Variants in SPATA13 observed in about 807,000 individuals in gnomAD.
SPATA13 encodes the protein spermatogenesis associated 13.
A neutral mutation model predicts 104.0 loss-of-function variants in SPATA13; 50 were observed. The ratio of observed to expected loss-of-function variants is 0.48; its 90% CI spans 0.38 to 0.61. The LOEUF is 0.61. SPATA13 is among the 20% of genes least tolerant of loss of function. The pLI, the probability that SPATA13 is intolerant of heterozygous loss-of-function variation, is 0.00. For missense variants in SPATA13, 1,524 were observed against 1,690.6 expected (o/e 0.90, Z 1.73); for synonymous variants, 606 against 667.5 (o/e 0.91, Z 1.42).
At chr13:24,170,578 G>A (rs1427234195) in intron 1 of SPATA13, among the ~76,000 whole-genome samples, 1 of 152,186 alleles carries the variant, frequency 6.6e-6, no homozygotes, top group African/African-American at 2.4e-5. Flanking sequence ...CCTCTGCAGA[G>A]TACATCTCTG....
rs557161006 is a variant in SPATA13, at chr13:24,184,482, A to G, written c.-112+23550A>G. ...AAGTGAAGAGAAAAGCGTACAATGG[A>G]GCCAACCAAATCACAAAGATTATCA... On this transcript the variant is annotated intron_variant, in intron 1 of 12. Transcript: ENST00000382108. Among the ~76,000 whole-genome samples, 83 of 152,344 alleles carry G rather than the reference A, an allele frequency of 5.4e-4. No individual in the cohort carries two copies. The East Asian group carries it at 8.5e-3, about 16-fold the overall frequency.
chr13:24,160,825 C>CGAGAGT lies in SPATA13; in HGVS notation c.-217_-212dup, dbSNP rs1882441129. ...GCGCGCACTGGATCCCAGGCTCCTCCGAGAGTGCGGCGACCTCGGGGCTCC... is the reference window on the plus strand; with the variant it reads ...GCGCGCACTGGATCCCAGGCTCCTCCGAGAGTGAGAGTGCGGCGACCTCGGGGCTCC... On this transcript the variant is annotated 5_prime_UTR_variant, in exon 1 of 13. Transcript: ENST00000382108. 14 of 985,380 alleles carry CGAGAGT rather than the reference C, an allele frequency of 1.4e-5. No homozygotes were observed. Among genetic ancestry groups the CGAGAGT allele is most frequent in the Non-Finnish European group, 1.7e-5 (14 of 829,900 alleles). 61.0% of individuals were successfully genotyped at this position (985,380 alleles called of 1,614,324 possible). A position where few individuals can be genotyped will look rare whatever the true frequency, so the allele number is the denominator to read the frequency against.
chr13:24,197,370 A>G (rs569235810), intron 1 of SPATA13, among the ~76,000 whole-genome samples: 42 of 152,360 alleles, frequency 2.8e-4, no homozygotes, highest in Admixed American at 7.8e-4. Flanking sequence ...TCAAATTGTT[A>G]AAACGTAACT....
At chr13:24,173,362 TTGTGTGTGTGTGTGTGTGTGTG>T (rs60850610) in intron 1 of SPATA13, among the ~76,000 whole-genome samples, 2 of 146,832 alleles carry the variant, frequency 1.4e-5, no homozygotes, top group Admixed American at 6.8e-5. Flanking sequence ...TAGTTCTTAG[TTGTGTGTGTGTGTGTGTGTGTG>T]TGTGTGTGTG....
At chr13:24,035,939 C>T (rs1051156756) in intron 3 of SPATA13, among the ~76,000 whole-genome samples, 3 of 150,428 alleles carry the variant, frequency 2.0e-5, no homozygotes, top group African/African-American at 4.9e-5. Context: ...CGCTTGAGCC[C>T]GGAGGTTGAG....
At chr13:24,193,877 G>T (rs1008683898) in intron 1 of SPATA13, among the ~76,000 whole-genome samples, 3 of 152,174 alleles carry the variant, frequency 2.0e-5, no homozygotes, top group African/African-American at 2.4e-5. Flanking sequence ...GTGGAGAGTT[G>T]CTGGGTGGTG....
chr13:24,239,693 T>TAAAAAAAAA (rs55881452), intron 2 of SPATA13, among the ~76,000 whole-genome samples: 984 of 46,896 alleles, frequency 0.021, 107 homozygotes, highest in Non-Finnish European at 0.025. Context: ...AGACCATATC[T>TAAAAAAAAA]AAAAAAAAAA....
chr13:24,033,856 CT>C (rs1174965339), intron 3 of SPATA13: 1 of 152,228 alleles, frequency 6.6e-6, no homozygotes, highest in African/African-American at 2.4e-5. Flanking sequence ...ACTGGAGCAA[CT>C]TTTTGGCTAT....
chr13:24,071,064 ATGATG>A (rs1879144966), intron 3 of SPATA13, among the ~76,000 whole-genome samples: 3 of 152,352 alleles, frequency 2.0e-5, no homozygotes, highest in African/African-American at 7.2e-5. Context: ...CTGGAGAACC[ATGATG>A]AATGCACTCA....
At chr13:24,071,694 G>T (rs1407221591) in intron 3 of SPATA13, among the ~76,000 whole-genome samples, 2 of 152,182 alleles carry the variant, frequency 1.3e-5, no homozygotes, top group African/African-American at 4.8e-5. Context: ...TTCCTTGCTG[G>T]CATTGTTGTT....
chr13:24,301,491 A>G (rs1206668040), intron 12 of SPATA13, among the ~76,000 whole-genome samples: 2 of 152,252 alleles, frequency 1.3e-5, no homozygotes, highest in African/African-American at 4.8e-5. Flanking sequence ...TAGTAAATCA[A>G]TTTGTTAGAA....
rs371445804 is a variant in SPATA13 at position 24,306,497 on chromosome 13, G to C, written c.*3724G>C. 1.3e-5 allele frequency: 2 copies of C among 152,286 alleles called. No homozygotes were observed. The highest frequency in any genetic ancestry group is 4.8e-5 in the African/African-American group (2 of 41,558). The allele number at this position is 152,286 out of a possible 1,614,324, so 9.4% of individuals were successfully genotyped here. ...AATGGAGGACCCAAGTCAACTAGGTGAAACTACTAGCAGACCCAGCTTTCC... is the reference window on the plus strand; with the variant it reads ...AATGGAGGACCCAAGTCAACTAGGTCAAACTACTAGCAGACCCAGCTTTCC... On this transcript the variant is annotated 3_prime_UTR_variant, in exon 13 of 13. Coordinates refer to ENST00000382108, the MANE Select transcript of SPATA13 (RefSeq NM_001166271.3).
intron 3 of SPATA13, among the ~76,000 whole-genome samples, chr13:24,025,269 A>G (rs1267286889): frequency 1.3e-5 from 2 of 152,162 alleles, no homozygotes; most frequent in Non-Finnish European, 1.5e-5. Flanking sequence ...TAAGTTAACC[A>G]TGCTGATACT....
intron 1 of SPATA13, among the ~76,000 whole-genome samples, chr13:24,221,537 G>A (rs537182289): frequency 1.9e-4 from 29 of 152,216 alleles, no homozygotes; most frequent in Non-Finnish European, 3.5e-4. Flanking sequence ...TGGGGTTGAA[G>A]GGTTTGGACA....
chr13:24,251,874 A>T lies in SPATA13; in HGVS notation c.2164+12A>T. 1 of 1,610,886 alleles carries T rather than the reference A, an allele frequency of 6.2e-7. No homozygotes were observed. Among genetic ancestry groups the T allele is most frequent in the South Asian group, 1.1e-5 (1 of 90,914 alleles). ...GAGAGCATCCAACGGTGAGTCTCAG[A>T]GTCCCTTTCCTTTCAGAGCTGCTAT... On this transcript the variant is annotated intron_variant, in intron 4 of 12. Transcript: ENST00000382108.
At chr13:24,085,269 G>A (rs899260649) in intron 3 of SPATA13, among the ~76,000 whole-genome samples, 2 of 152,132 alleles carry the variant, frequency 1.3e-5, no homozygotes, top group Non-Finnish European at 2.9e-5. Flanking sequence ...ACTACAGGCA[G>A]GTGCCTGCCA....
At chr13:23,985,487 C>G (rs898718427) in intron 2 of SPATA13, among the ~76,000 whole-genome samples, 2 of 152,210 alleles carry the variant, frequency 1.3e-5, no homozygotes, top group Non-Finnish European at 1.5e-5. Context: ...AATCCAGGCT[C>G]TGTCCCATTT....
chr13:24,305,644 C>A lies in SPATA13; in HGVS notation c.*2871C>A, dbSNP rs779844602. ...AATTTCATTGGGAATCTTGCTCTCT[C>A]CCGCCTCTATGCCTTTCTCTCTTTT... On this transcript the variant is annotated 3_prime_UTR_variant, in exon 13 of 13. Transcript: ENST00000382108. 2.0e-5 allele frequency: 3 copies of A among 152,202 alleles called. No homozygotes were observed. Among genetic ancestry groups the A allele is most frequent in the Non-Finnish European group, 4.4e-5 (3 of 68,042 alleles). The allele number at this position is 152,202 out of a possible 1,614,324, so 9.4% of individuals were successfully genotyped here.
intron 3 of SPATA13, among the ~76,000 whole-genome samples, chr13:24,058,443 T>TTA (rs1261105808): frequency 2.0e-5 from 3 of 151,798 alleles, no homozygotes; most frequent in African/African-American, 7.2e-5. Flanking sequence ...TGGAAAAGCT[T>TTA]TAGAGTTTTT....
Sources: allele counts gnomAD v4.1 joint callset (sites outside exome capture counted in the v4.1 genomes callset), GRCh38; gene constraint gnomAD v4.1.1; transcripts MANE v1.5; gene names NCBI Gene and HGNC (gene_info 2026-07-23, HGNC 2026-07-21).